WAPL: variants seen among roughly 807,000 people sequenced by gnomAD.
The protein encoded by WAPL is wings apart-like protein homolog.
In WAPL, 5 loss-of-function variants were observed where a neutral mutation model predicts 121.0. The ratio of observed to expected loss-of-function variants is 0.04; its 90% CI spans 0.02 to 0.09. The LOEUF (loss-of-function observed/expected upper bound fraction) is 0.09. WAPL is among the 10% of genes least tolerant of loss of function. The pLI, the probability that WAPL is intolerant of heterozygous loss-of-function variation, is 1.00. For missense variants in WAPL, 999 were observed against 1,410.8 expected (o/e 0.71, Z 4.68); for synonymous variants, 480 against 481.5 (o/e 1.00, Z 0.04).
At chr10:86,508,785 G>A (rs1269582132) in intron 2 of WAPL, among the ~76,000 whole-genome samples, 10 of 121,362 alleles carry the variant, frequency 8.2e-5, no homozygotes, top group African/African-American at 3.2e-4. Flanking sequence ...TTGAGACAGA[G>A]TCTCTGTCAC....
At chr10:86,481,950 G>T (rs985757653) in intron 4 of WAPL, among the ~76,000 whole-genome samples, 15 of 152,104 alleles carry the variant, frequency 9.9e-5, no homozygotes, top group African/African-American at 3.4e-4. Flanking sequence ...CAAACACTGT[G>T]AAGAGAAGCC....
intron 12 of WAPL, among the ~76,000 whole-genome samples, chr10:86,456,613 C>A (rs534313255): frequency 6.6e-6 from 1 of 152,166 alleles, no homozygotes; most frequent in Non-Finnish European, 1.5e-5. Flanking sequence ...ATCTAATCTA[C>A]GCCTAGTTGC....
intron 9 of WAPL, among the ~76,000 whole-genome samples, chr10:86,466,241 C>G (rs934877478): frequency 6.6e-6 from 1 of 152,176 alleles, no homozygotes; most frequent in African/African-American, 2.4e-5. Context: ...GTTAGACACC[C>G]TGAGGTACTC....
Position 86,517,624 on chromosome 10 carries a change from C to A in WAPL, c.446G>T (p.Arg149Leu), listed in dbSNP as rs765011558. 5 of 1,613,736 alleles carry A rather than the reference C, an allele frequency of 3.1e-6. No homozygotes were observed. The highest frequency in any genetic ancestry group is 4.2e-6 in the Non-Finnish European group (5 of 1,179,928). The change falls in exon 2 of 19, where the codon CGA becomes CTA. Residue 149 changes from arginine to leucine, a missense_variant. Arg to Leu is a moderately radical substitution (Grantham distance 102). Coordinates refer to ENST00000298767, the MANE Select transcript of WAPL (RefSeq NM_015045.5). ...TLLGKEKSTN[R>L]IVEDDASISS... The stretch of plus-strand genomic sequence containing the variant: ...TATGCTTGCATCATCTTCTACAATT[C>A]GGTTTGTGCTCTTTTCTTTCCCAAG...
chr10:86,470,271 TG>T (rs1395890949), intron 8 of WAPL, among the ~76,000 whole-genome samples: 13 of 152,090 alleles, frequency 8.5e-5, no homozygotes, highest in Non-Finnish European at 1.3e-4. Flanking sequence ...TGACCTGAGA[TG>T]ATCTGCCCAC....
chr10:86,500,391 T>C lies in WAPL; in HGVS notation c.852A>G (p.Val284=), dbSNP rs757933277. 1.3e-5 allele frequency: 21 copies of C among 1,614,122 alleles called. No individual in the cohort carries two copies. The highest frequency in any genetic ancestry group is 1.5e-5 in the Non-Finnish European group (18 of 1,180,052). The change falls in exon 3 of 19, where the codon GTA becomes GTG. Residue 284 remains valine, a synonymous_variant. Transcript: ENST00000298767. ...AGTTGGTTGGCCTAAGAACACTTTG[T>C]ACAATATCTTCCTCAATGGCTTCAT... The part of the protein sequence containing the change: ...NLNEAIEEDI[V]QSVLRPTNCR...
At chr10:86,442,289 C>G (rs2132163922) in intron 17 of WAPL, among the ~76,000 whole-genome samples, 1 of 152,322 alleles carries the variant, frequency 6.6e-6, no homozygotes, top group East Asian at 1.9e-4. Context: ...ATCTCAGCCT[C>G]CCAAAGTGCT....
intron 4 of WAPL, among the ~76,000 whole-genome samples, chr10:86,480,257 C>G (rs1841752562): frequency 6.6e-6 from 1 of 152,168 alleles, no homozygotes; most frequent in African/African-American, 2.4e-5. Context: ...AAAAAATTGT[C>G]AATTCCTATC....
chr10:86,439,873 G>C (rs1849419103), intron 17 of WAPL, among the ~76,000 whole-genome samples: 1 of 152,234 alleles, frequency 6.6e-6, no homozygotes, highest in Non-Finnish European at 1.5e-5. Context: ...GACATGGAGG[G>C]CAAGTGAAAA....
intron 8 of WAPL, 126 bp from the exon 9 acceptor site, chr10:86,467,632 G>T: frequency 3.0e-6 from 2 of 677,240 alleles, no homozygotes; most frequent in Non-Finnish European, 4.5e-6. Context: ...TACTAACCAT[G>T]TTGGAAACTT....
intron 16 of WAPL, among the ~76,000 whole-genome samples, chr10:86,445,461 A>G (rs1008442202): frequency 3.3e-5 from 5 of 152,212 alleles, no homozygotes; most frequent in African/African-American, 1.2e-4. Context: ...CAAAAGTTGT[A>G]TCACAAATTC....
chr10:86,487,645 C>T (rs1008458588), intron 4 of WAPL, among the ~76,000 whole-genome samples: 2 of 152,146 alleles, frequency 1.3e-5, no homozygotes, highest in African/African-American at 4.8e-5. Flanking sequence ...AATCCCACCA[C>T]TTTAGGAGGC....
At chr10:86,492,785 G>A (rs1331361927) in intron 4 of WAPL, among the ~76,000 whole-genome samples, 8 of 152,240 alleles carry the variant, frequency 5.3e-5, no homozygotes, top group African/African-American at 1.2e-4. Context: ...ATCCGGGCGC[G>A]GTGGCTCACA....
intron 4 of WAPL, among the ~76,000 whole-genome samples, chr10:86,482,798 G>A (rs566383153): frequency 5.8e-4 from 88 of 152,338 alleles, no homozygotes; most frequent in African/African-American, 2.1e-3. Context: ...GGAACAAAGA[G>A]TGGAAAGGTG....
At chr10:86,498,367 AT>A (rs1842188158) in intron 3 of WAPL, among the ~76,000 whole-genome samples, 2 of 152,226 alleles carry the variant, frequency 1.3e-5, no homozygotes. Flanking sequence ...TCCAGAAAAG[AT>A]TCAAAGACAA....
chr10:86,451,931 T>C, intron 15 of WAPL, 36 bp downstream of exon 15: 1 of 1,604,762 alleles, frequency 6.2e-7, no homozygotes, highest in Non-Finnish European at 8.5e-7. Context: ...TCCAACAAAC[T>C]GCAGTTATGA....
chr10:86,506,656 G>A (rs922956119), intron 2 of WAPL, among the ~76,000 whole-genome samples: 4 of 152,156 alleles, frequency 2.6e-5, no homozygotes, highest in African/African-American at 9.7e-5. Context: ...CAGGAGTGGT[G>A]GCACGTTCCT....
intron 9 of WAPL, among the ~76,000 whole-genome samples, chr10:86,463,512 A>G (rs1228422171): frequency 6.6e-6 from 1 of 152,254 alleles, no homozygotes; most frequent in African/African-American, 2.4e-5. Flanking sequence ...AAAAGTTTTA[A>G]AAGTTAAAAA....
intron 14 of WAPL, among the ~76,000 whole-genome samples, chr10:86,452,901 G>A (rs1237855103): frequency 1.3e-5 from 2 of 150,892 alleles, no homozygotes; most frequent in South Asian, 2.1e-4. Context: ...TTAGCCAGGC[G>A]TGGTGGCACA....
Sources: allele counts gnomAD v4.1 joint callset (sites outside exome capture counted in the v4.1 genomes callset), GRCh38; gene constraint gnomAD v4.1.1; transcripts MANE v1.5; gene names NCBI Gene and HGNC (gene_info 2026-07-23, HGNC 2026-07-21).